IGSF3: variants seen among roughly 807,000 people sequenced by gnomAD.
The protein encoded by IGSF3 is immunoglobulin superfamily member 3, also known as glu-Trp-Ile EWI motif-containing protein 3.
IGSF3 carries 23 observed loss-of-function variants against 114.4 expected under a neutral mutation model. The ratio of observed to expected loss-of-function variants is 0.20; its 90% CI spans 0.14 to 0.28. The LOEUF (loss-of-function observed/expected upper bound fraction) is 0.28, where lower values mean the gene tolerates loss of function less well. Ranked by LOEUF, IGSF3 falls within the 10% of genes least tolerant of loss-of-function variation. The pLI, the probability that IGSF3 is intolerant of heterozygous loss-of-function variation, is 1.00. For missense variants in IGSF3, 1,172 were observed against 1,591.5 expected (o/e 0.74, Z 4.48); for synonymous variants, 571 against 645.2 (o/e 0.88, Z 1.74).
At chr1:116,652,109 T>C (rs1191135790) in intron 2 of IGSF3, among the ~76,000 whole-genome samples, 2 of 152,180 alleles carry the variant, frequency 1.3e-5, no homozygotes, top group African/African-American at 4.8e-5. Flanking sequence ...CTGATACTGA[T>C]GATATAAGGT....
rs766427869 is a variant in IGSF3, at chr1:116,667,367, G to A, written c.-631+251C>T. On this transcript the variant is annotated intron_variant, in intron 1 of 10. Transcript: ENST00000369486. ...GGCCCCGCTATTGTTTTACCTTGCA[G>A]GGTGTTTATATCTCGCTGATTGGAA... Among the ~76,000 whole-genome samples the A allele has an allele frequency of 2.6e-5, 4 of 152,150 alleles. No individual in the cohort carries two copies. In the South Asian group the frequency reaches 6.2e-4, roughly 24 times the overall value.
chr1:116,629,107 G>T lies in IGSF3; in HGVS notation c.44-12650C>A, dbSNP rs1371224598. Among the ~76,000 whole-genome samples the T allele has an allele frequency of 6.6e-6, 1 of 152,118 alleles. No individual in the cohort carries two copies. Among genetic ancestry groups the T allele is most frequent in the Non-Finnish European group, 1.5e-5 (1 of 68,024 alleles). On this transcript the variant is annotated intron_variant, in intron 2 of 10. Coordinates refer to ENST00000369486, the MANE Select transcript of IGSF3 (RefSeq NM_001007237.3). The surrounding 1 kb of genome is among the most constrained non-coding windows in gnomAD (Gnocchi z 4.3). ...GGGTGGGTCACAAAAGCAGGAAAAGGTCCCCAAACAAAGAATCCATCAGTC... is the reference window on the plus strand; with the variant it reads ...GGGTGGGTCACAAAAGCAGGAAAAGTTCCCCAAACAAAGAATCCATCAGTC...
intron 2 of IGSF3, among the ~76,000 whole-genome samples, chr1:116,637,977 G>A (rs1180799087): frequency 2.6e-5 from 4 of 152,184 alleles, no homozygotes; most frequent in Non-Finnish European, 5.9e-5. Flanking sequence ...TAGGGATGGG[G>A]ACTGCTCTTG....
chr1:116,622,986 G>T (rs1661466729), intron 2 of IGSF3, among the ~76,000 whole-genome samples: 2 of 152,360 alleles, frequency 1.3e-5, no homozygotes, highest in African/African-American at 2.4e-5. Flanking sequence ...ACAGCATGCT[G>T]AATTGGTGGA....
Position 116,579,552 on chromosome 1 carries a change from G to A in IGSF3, c.3174C>T (p.Leu1058=). 1 of 1,614,196 alleles carries A rather than the reference G, an allele frequency of 6.2e-7. No homozygotes were observed. Among genetic ancestry groups the A allele is most frequent in the Non-Finnish European group, 8.5e-7 (1 of 1,180,040 alleles). ...PWEGRLRFQR[L]SPVLYRLTVL... ...CTGTGAGCCGGTAGAGCACCGGGGA[G>A]AGCCTCTGGAAGCGAAGCCTGCCCT... The change falls in exon 10 of 11, where the codon CTC becomes CTT. Residue 1058 remains leucine (L), a synonymous_variant. Transcript: ENST00000369486. The surrounding 1 kb of genome is among the most constrained non-coding windows in gnomAD (Gnocchi z 6.4).
chr1:116,601,851 A>C (rs1376936118), intron 6 of IGSF3, among the ~76,000 whole-genome samples: 1 of 150,988 alleles, frequency 6.6e-6, no homozygotes, highest in East Asian at 1.9e-4. Flanking sequence ...CCTCAGGGAC[A>C]GGACCCACAC....
intron 9 of IGSF3, among the ~76,000 whole-genome samples, chr1:116,581,320 CT>C (rs955415319): frequency 0.057 from 4,041 of 70,676 alleles, 81 homozygotes; most frequent in African/African-American, 0.15. Context: ...GTTTTGCTGT[CT>C]TTTTTTTTTT....
rs56982445 is a variant in IGSF3 at position 116,579,666 on chromosome 1, G to GTCC, written c.3057_3059dup (p.Glu1019dup). The stretch of plus-strand genomic sequence containing the variant: ...CTGTTGGGTCGTCGTCGTCGTCGTC[G>GTCC]TCCTCCTCCTCCTCCTCCTCCCTTT... On this transcript the variant is annotated inframe_insertion, in exon 10 of 11. Transcript: ENST00000369486. The surrounding 1 kb of genome is among the most constrained non-coding windows in gnomAD (Gnocchi z 6.4). The GTCC allele has an allele frequency of 1.2e-3, 1,959 of 1,594,586 alleles. 2 individuals are homozygous for GTCC. The highest frequency in any genetic ancestry group is 2.5e-3 in the East Asian group (110 of 44,412).
rs1419329243 is a variant in IGSF3, at chr1:116,664,397, A to G, written c.43+1887T>C. Among the ~76,000 whole-genome samples, 4 of 152,156 alleles carry G rather than the reference A, an allele frequency of 2.6e-5. No homozygotes were observed. The highest frequency in any genetic ancestry group is 1.9e-4 in the East Asian group (1 of 5,200). On this transcript the variant is annotated intron_variant, in intron 2 of 10. Transcript: ENST00000369486. The surrounding 1 kb of genome is among the most constrained non-coding windows in gnomAD (Gnocchi z 4.6). ...CAGGGGGACCAGCATGCAGCCTTAC[A>G]TTACTTGAGCAGCCAGAAGAAACAA...
In IGSF3 at chr1:116,579,545, C is replaced by T. The variant is rs1054855500; in HGVS notation, c.3181G>A (p.Val1061Met). 5 of 1,614,162 alleles carry T rather than the reference C, an allele frequency of 3.1e-6. No homozygotes were observed. The highest frequency in any genetic ancestry group is 1.3e-5 in the African/African-American group (1 of 75,038). The change falls in exon 10 of 11, where the codon GTG (valine) becomes ATG (methionine). Residue 1061 changes from valine to methionine, a missense_variant. Transcript: ENST00000369486. The surrounding 1 kb of genome is among the most constrained non-coding windows in gnomAD (Gnocchi z 6.4). ...GRLRFQRLSP[V>M]LYRLTVLQAS... Reference sequence around the variant, plus strand: ...TGCAGCACTGTGAGCCGGTAGAGCACCGGGGAGAGCCTCTGGAAGCGAAGC... The same window carrying T: ...TGCAGCACTGTGAGCCGGTAGAGCATCGGGGAGAGCCTCTGGAAGCGAAGC...
Position 116,612,864 on chromosome 1 carries a change from C to T in IGSF3, c.832+901G>A, listed in dbSNP as rs1557871108. 6.6e-6 allele frequency among the ~76,000 whole-genome samples: 1 copy of T among 152,264 alleles called. No homozygotes were observed. The highest frequency in any genetic ancestry group is 1.9e-4 in the East Asian group (1 of 5,198). ...TCAGCCCAGCAGAGGCAGCCAGCAA[C>T]AGCTGTCAGCTCTGGCCTGGAGCCT... On this transcript the variant is annotated intron_variant, in intron 4 of 10. Coordinates refer to ENST00000369486, the MANE Select transcript of IGSF3 (RefSeq NM_001007237.3). The surrounding 1 kb of genome is among the most constrained non-coding windows in gnomAD (Gnocchi z 4.1).
chr1:116,642,505 A>G lies in IGSF3; in HGVS notation c.43+23779T>C, dbSNP rs2268869. Among the ~76,000 whole-genome samples, 18,530 of 152,278 alleles carry G rather than the reference A, an allele frequency of 0.12. 1,173 individuals carry two copies. Among genetic ancestry groups the G allele is most frequent in the Middle Eastern group, 0.14 (42 of 294 alleles). ...AGAATGTAAAAGATACACATGAAAG[A>G]AACAAACAGTGGGACTCGGGCCAGA... On this transcript the variant is annotated intron_variant, in intron 2 of 10. Coordinates refer to ENST00000369486, the MANE Select transcript of IGSF3 (RefSeq NM_001007237.3). The surrounding 1 kb of genome is among the most constrained non-coding windows in gnomAD (Gnocchi z 5.4).
rs745838632 is a variant in IGSF3, at chr1:116,608,170, C to T, written c.994G>A (p.Ala332Thr). Residue 332 changes from alanine to threonine, a missense_variant, in exon 5 of 11, where the codon GCT becomes ACT. Physicochemically the swap from Ala to Thr is moderately conservative, Grantham distance 58. Coordinates refer to ENST00000369486, the MANE Select transcript of IGSF3 (RefSeq NM_001007237.3). Reference sequence around the variant, plus strand: ...AATTCGCTGTTGAGGACAGGCACAGCGTTAGGACCCATGGTGGCGATGAGC... The same window carrying T: ...AATTCGCTGTTGAGGACAGGCACAGTGTTAGGACCCATGGTGGCGATGAGC... ...SSLIATMGPN[A>T]VPVLNSEFAH... 29 of 1,612,510 alleles carry T rather than the reference C, an allele frequency of 1.8e-5. No individual in the cohort carries two copies. The Admixed American group carries it at 3.3e-4, about 19-fold the overall frequency.
In IGSF3 at chr1:116,596,083, A is replaced by G. The variant is rs1660329814; in HGVS notation, c.2029+3858T>C. 6.6e-6 allele frequency among the ~76,000 whole-genome samples: 1 copy of G among 152,244 alleles called. No individual in the cohort carries two copies. Among genetic ancestry groups the G allele is most frequent in the Non-Finnish European group, 1.5e-5 (1 of 68,034 alleles). On this transcript the variant is annotated intron_variant, in intron 7 of 10. Coordinates refer to ENST00000369486, the MANE Select transcript of IGSF3 (RefSeq NM_001007237.3). The surrounding 1 kb of genome is among the most constrained non-coding windows in gnomAD (Gnocchi z 4.1). ...AACAGATCCACAAGTCAACTGTGCCATCCAACCAGAGATTCTGATGAATAC... is the reference window on the plus strand; with the variant it reads ...AACAGATCCACAAGTCAACTGTGCCGTCCAACCAGAGATTCTGATGAATAC...
rs185794607 is a variant in IGSF3, at chr1:116,632,484, C to A, written c.44-16027G>T. Among the ~76,000 whole-genome samples, 1 of 152,332 alleles carries A rather than the reference C, an allele frequency of 6.6e-6. No homozygotes were observed. Among genetic ancestry groups the A allele is most frequent in the East Asian group, 1.9e-4 (1 of 5,190 alleles). The stretch of plus-strand genomic sequence containing the variant: ...CTATGGAACAGCTAACCACACAACG[C>A]AGCATACTGAATGAGAAGCCTCGCA... On this transcript the variant is annotated intron_variant, in intron 2 of 10. Coordinates refer to ENST00000369486, the MANE Select transcript of IGSF3 (RefSeq NM_001007237.3). The surrounding 1 kb of genome is among the most constrained non-coding windows in gnomAD (Gnocchi z 5.1).
rs1661525084 is a variant in IGSF3 at position 116,624,786 on chromosome 1, C to T, written c.44-8329G>A. 6.6e-6 allele frequency among the ~76,000 whole-genome samples: 1 copy of T among 152,232 alleles called. No homozygotes were observed. On this transcript the variant is annotated intron_variant, in intron 2 of 10. Transcript: ENST00000369486. This position sits in a 1 kb window ranked among gnomAD's most constrained non-coding sequence, Gnocchi z 4.9. Reference sequence around the variant, plus strand: ...TCACTCAGGGTGTCCTGAACCACCACATAAGACAGCCAACGGTCCTGAGGC... The same window carrying T: ...TCACTCAGGGTGTCCTGAACCACCATATAAGACAGCCAACGGTCCTGAGGC...
intron 9 of IGSF3, among the ~76,000 whole-genome samples, chr1:116,580,265 T>C (rs2284860): frequency 0.19 from 28,535 of 152,192 alleles, 3,516 homozygotes; most frequent in East Asian, 0.46. Context: ...CCAAAATGCA[T>C]GTCCACCTGG....
At chr1:116,611,149 C>T (rs181549116) in intron 4 of IGSF3, among the ~76,000 whole-genome samples, 20 of 152,332 alleles carry the variant, frequency 1.3e-4, no homozygotes, top group African/African-American at 4.3e-4. Flanking sequence ...ATTTAATCAA[C>T]CTCCAGGTGG....
chr1:116,581,555 T>G (rs1198416965), intron 9 of IGSF3, among the ~76,000 whole-genome samples: 1 of 152,054 alleles, frequency 6.6e-6, no homozygotes, highest in Non-Finnish European at 1.5e-5. Flanking sequence ...TTAGTGTCGC[T>G]CACAGGTGAA....
Sources: gnomAD v4.1 joint callset for allele counts (sites outside exome capture counted in the v4.1 genomes callset) on GRCh38, gnomAD v4.1.1 for gene constraint, Gnocchi (gnomAD v3.1) non-coding constraint, MANE v1.5 for transcripts, NCBI Gene and HGNC (gene_info 2026-07-23, HGNC 2026-07-21) for gene names.